FANCC: variants seen among roughly 807,000 people sequenced by gnomAD.
FANCC encodes the protein Fanconi anemia group C protein.
FANCC carries 55 observed loss-of-function variants against 71.3 expected under a neutral mutation model. The observed-to-expected ratio is 0.77, with a 90% confidence interval of 0.62 to 0.97. The LOEUF is 0.97. FANCC is among the 50% of genes least tolerant of loss of function. FANCC has a pLI of 0.00. For synonymous variants in FANCC, 275 were observed against 244.9 expected (o/e 1.12, Z -1.15); for missense variants, 678 against 670.9 (o/e 1.01, Z -0.12).
intron 1 of FANCC, among the ~76,000 whole-genome samples, chr9:95,272,603 G>A (rs146184709): frequency 2.6e-5 from 4 of 152,220 alleles, no homozygotes; most frequent in Non-Finnish European, 5.9e-5. Flanking sequence ...AGGCTGTGGC[G>A]AGAATTGCTT....
At chr9:95,204,352 C>T (rs1236516941) in intron 4 of FANCC, among the ~76,000 whole-genome samples, 3 of 152,172 alleles carry the variant, frequency 2.0e-5, no homozygotes, top group Non-Finnish European at 2.9e-5. Flanking sequence ...ATCACAAGGA[C>T]ATTAATTAGG....
chr9:95,197,153 T>C (rs16912031), intron 4 of FANCC, among the ~76,000 whole-genome samples: 3,200 of 152,260 alleles, frequency 0.021, 122 homozygotes, highest in African/African-American at 0.073. Context: ...AAACTATATA[T>C]GCCTACAATA....
intron 4 of FANCC, among the ~76,000 whole-genome samples, chr9:95,180,225 T>G (rs890402802): frequency 6.6e-6 from 1 of 152,166 alleles, no homozygotes; most frequent in Non-Finnish European, 1.5e-5. Context: ...CTGGAAGGTC[T>G]TCAGGGGCAA....
chr9:95,193,647 CTG>C lies in FANCC; in HGVS notation c.346-21502_346-21501del, dbSNP rs1481698702. ...TGAAAGAGGAAGATGACATTGGAAA[CTG>C]AGATACTACAGGTTGGTGCAAAAGT... is the stretch of plus-strand genomic sequence containing the variant. On this transcript the variant is annotated intron_variant, in intron 4 of 14. Coordinates refer to ENST00000289081, the MANE Select transcript of FANCC (RefSeq NM_000136.3). Among the ~76,000 whole-genome samples the C allele has an allele frequency of 2.0e-5, 3 of 152,212 alleles. No individual in the cohort carries two copies. In the East Asian group the frequency reaches 5.8e-4, roughly 29 times the overall value.
chr9:95,226,707 G>A (rs1043637035), intron 4 of FANCC, among the ~76,000 whole-genome samples: 35 of 152,196 alleles, frequency 2.3e-4, no homozygotes, highest in African/African-American at 8.0e-4. Flanking sequence ...AGAGAAGACA[G>A]AATAAACTGC....
intron 1 of FANCC, 59 bp from the exon 2 acceptor site, chr9:95,249,428 C>T (rs1298527168): frequency 1.5e-5 from 12 of 827,430 alleles, no homozygotes; most frequent in African/African-American, 6.8e-5. Flanking sequence ...AGTGCCTTCA[C>T]GACCCATTGA....
intron 10 of FANCC, among the ~76,000 whole-genome samples, chr9:95,123,154 T>C (rs1188340811): frequency 6.6e-6 from 1 of 151,786 alleles, no homozygotes; most frequent in Non-Finnish European, 1.5e-5. Flanking sequence ...AATTTAAAAA[T>C]TAGCTGGGCG....
intron 1 of FANCC, among the ~76,000 whole-genome samples, chr9:95,268,823 C>T (rs1263968218): frequency 6.6e-6 from 1 of 152,176 alleles, no homozygotes; most frequent in Non-Finnish European, 1.5e-5. Flanking sequence ...ACCAGACCAG[C>T]CATGTGATGC....
chr9:95,167,316 T>C (rs893215231), intron 6 of FANCC, among the ~76,000 whole-genome samples: 1 of 152,096 alleles, frequency 6.6e-6, no homozygotes, highest in Non-Finnish European at 1.5e-5. Flanking sequence ...TTCTTTGGAG[T>C]CTGCTGAGCT....
chr9:95,181,790 T>C (rs1238130932), intron 4 of FANCC, among the ~76,000 whole-genome samples: 1 of 152,204 alleles, frequency 6.6e-6, no homozygotes. Flanking sequence ...TTTCGATTCA[T>C]GTAAAAGAAT....
chr9:95,158,704 G>A (rs971482186), intron 6 of FANCC, among the ~76,000 whole-genome samples: 5 of 152,214 alleles, frequency 3.3e-5, no homozygotes, highest in African/African-American at 9.7e-5. Context: ...TAAAGAAGTA[G>A]TGTAGAGCAG....
intron 4 of FANCC, among the ~76,000 whole-genome samples, chr9:95,197,592 C>T (rs1016809833): frequency 5.3e-5 from 8 of 152,262 alleles, no homozygotes; most frequent in Non-Finnish European, 7.4e-5. Context: ...ATAGTTGAGA[C>T]GTACTGAAAG....
intron 4 of FANCC, among the ~76,000 whole-genome samples, chr9:95,175,414 C>T (rs1252848389): frequency 6.6e-6 from 1 of 152,154 alleles, no homozygotes; most frequent in East Asian, 1.9e-4. Context: ...TTAGAGTGAA[C>T]CTTGCTTAAG....
At position 95,185,855 on chromosome 9, in the gene FANCC, T is replaced by C. The variant is rs900663859; in HGVS notation, c.346-13708A>G. Among the ~76,000 whole-genome samples, 11 of 152,286 alleles carry C rather than the reference T, an allele frequency of 7.2e-5. 1 individual carries two copies. Among genetic ancestry groups the C allele is most frequent in the African/African-American group, 2.6e-4 (11 of 41,558 alleles). On this transcript the variant is annotated intron_variant, in intron 4 of 14. Transcript: ENST00000289081. Reference sequence around the variant, plus strand: ...TGGTTAGGAAGCAAAATTCAACAAGTAGTCATTGACAATTTTGCCTCTTTC... The same window carrying C: ...TGGTTAGGAAGCAAAATTCAACAAGCAGTCATTGACAATTTTGCCTCTTTC...
intron 1 of FANCC, among the ~76,000 whole-genome samples, chr9:95,316,624 G>C (rs1218109550): frequency 6.6e-6 from 1 of 152,180 alleles, no homozygotes; most frequent in East Asian, 1.9e-4. Flanking sequence ...CCAAGTTTCA[G>C]ATTAGAACAA....
At chr9:95,129,678 A>G (rs1257979445) in intron 8 of FANCC, among the ~76,000 whole-genome samples, 2 of 152,140 alleles carry the variant, frequency 1.3e-5, no homozygotes. Context: ...TCTCTTCTCC[A>G]TCTGGCCTAA....
intron 13 of FANCC, chr9:95,110,507 G>T: frequency 9.7e-7 from 1 of 1,030,472 alleles, no homozygotes; most frequent in South Asian, 4.6e-5. Flanking sequence ...TACATACGTG[G>T]GTTATAATTT....
rs1830531612 is a variant in FANCC, at chr9:95,157,845, G to A, written c.522-7758C>T. Among the ~76,000 whole-genome samples, 8 of 152,182 alleles carry A rather than the reference G, an allele frequency of 5.3e-5. No individual in the cohort carries two copies. In the South Asian group the frequency reaches 1.7e-3, roughly 32 times the overall value. On this transcript the variant is annotated intron_variant, in intron 6 of 14. Coordinates refer to ENST00000289081, the MANE Select transcript of FANCC (RefSeq NM_000136.3). ...TTATGAGATTTTTTAAATTTTTCAGGAAAATTATCCTGGATCATTTCCAGC... is the reference window on the plus strand; with the variant it reads ...TTATGAGATTTTTTAAATTTTTCAGAAAAATTATCCTGGATCATTTCCAGC...
intron 6 of FANCC, among the ~76,000 whole-genome samples, chr9:95,168,591 T>C (rs1348309290): frequency 1.3e-5 from 2 of 152,224 alleles, no homozygotes; most frequent in Non-Finnish European, 2.9e-5. Flanking sequence ...AGTGCAGTGA[T>C]GCAATATCAG....
Sources: allele counts gnomAD v4.1 joint callset (sites outside exome capture counted in the v4.1 genomes callset), GRCh38; gene constraint gnomAD v4.1.1; transcripts MANE v1.5; gene names NCBI Gene and HGNC (gene_info 2026-07-23, HGNC 2026-07-21).